LDLRAD2: variants seen among roughly 807,000 people sequenced by gnomAD.
The protein encoded by LDLRAD2 is low density lipoprotein receptor class A domain containing 2, also known as low-density lipoprotein receptor class A domain-containing protein 2.
In LDLRAD2, 25 loss-of-function variants were observed where a neutral mutation model predicts 24.9. That is an observed-to-expected ratio of 1.00 (90% CI 0.73 to 1.40). The LOEUF is 1.40. Among genes scored for constraint, LDLRAD2 ranks in the 40% most tolerant of loss-of-function variants. The pLI is 0.00. For missense variants in LDLRAD2, 391 were observed against 366.2 expected, an observed-to-expected ratio of 1.07 and a Z score of -0.55; for synonymous variants, 182 against 166.7, an observed-to-expected ratio of 1.09 and a Z score of -0.71.
Position 21,824,869 on chromosome 1 carries a change from A to C in LDLRAD2, c.*2654A>C, listed in dbSNP as rs1414840520. On this transcript the variant is annotated 3_prime_UTR_variant, in exon 5 of 5. Transcript: ENST00000344642. This position sits in a 1 kb window ranked among gnomAD's most constrained non-coding sequence, Gnocchi z 5.9. ...CCCTGACCCCCACCTCCACGCCAAC[A>C]TGCAGGACTAGGGGGCTCCGAGCCT... 5.1e-6 allele frequency: 6 copies of C among 1,187,794 alleles called. No homozygotes were observed. Among genetic ancestry groups the C allele is most frequent in the South Asian group, 1.3e-5 (1 of 76,498 alleles). 73.6% of individuals were successfully genotyped at this position (1,187,794 alleles called of 1,614,324 possible).
chr1:21,815,496 A>T (rs189115579), intron 2 of LDLRAD2, among the ~76,000 whole-genome samples: 1 of 152,314 alleles, frequency 6.6e-6, no homozygotes, highest in East Asian at 1.9e-4. Context: ...ATACTCGCCC[A>T]ACTGGGCGCC....
chr1:21,815,601 G>T (rs2097943055), intron 2 of LDLRAD2, among the ~76,000 whole-genome samples: 1 of 152,130 alleles, frequency 6.6e-6, no homozygotes, highest in Admixed American at 6.5e-5. Flanking sequence ...GACAGAGAGA[G>T]ACCTGCCTAA....
Position 21,824,238 on chromosome 1 carries a change from G to A in LDLRAD2, c.*2023G>A, listed in dbSNP as rs781342493. On this transcript the variant is annotated 3_prime_UTR_variant, in exon 5 of 5. Transcript: ENST00000344642. The surrounding 1 kb of genome is among the most constrained non-coding windows in gnomAD (Gnocchi z 5.9). Reference sequence around the variant, plus strand: ...ATCCAGGCCCAAGAAGTATGAGCTGGGGCAGGACCGGGGGGTGGGGTGCTG... The same window carrying A: ...ATCCAGGCCCAAGAAGTATGAGCTGAGGCAGGACCGGGGGGTGGGGTGCTG... 5 of 1,613,398 alleles carry A rather than the reference G, an allele frequency of 3.1e-6. No individual in the cohort carries two copies. Among genetic ancestry groups the A allele is most frequent in the Non-Finnish European group, 3.4e-6 (4 of 1,179,728 alleles).
Position 21,824,248 on chromosome 1 carries a change from G to C in LDLRAD2, c.*2033G>C, listed in dbSNP as rs535694981. 3.1e-6 allele frequency: 5 copies of C among 1,610,972 alleles called. No individual in the cohort carries two copies. Among genetic ancestry groups the C allele is most frequent in the Non-Finnish European group, 4.2e-6 (5 of 1,177,438 alleles). On this transcript the variant is annotated 3_prime_UTR_variant, in exon 5 of 5. Transcript: ENST00000344642. This position sits in a 1 kb window ranked among gnomAD's most constrained non-coding sequence, Gnocchi z 5.9. ...AAGAAGTATGAGCTGGGGCAGGACC[G>C]GGGGGTGGGGTGCTGGGACCAGGGA...
rs1181701512 is a variant in LDLRAD2, at chr1:21,814,634, G to A, written c.322G>A (p.Ala108Thr). The change falls in exon 2 of 5, where the codon GCC (alanine) becomes ACC (threonine). Residue 108 changes from alanine to threonine, a missense_variant. Physicochemically the swap from Ala to Thr is moderately conservative, Grantham distance 58 (BLOSUM62 0). Coordinates refer to ENST00000344642, the MANE Select transcript of LDLRAD2 (RefSeq NM_001013693.3). ...CTCCCCGGCCCCGGCCGACCCGTGCGCCCCCGGCTCCTACCTGCAGTTCTA... is the reference window on the plus strand; with the variant it reads ...CTCCCCGGCCCCGGCCGACCCGTGCACCCCCGGCTCCTACCTGCAGTTCTA... Reference protein sequence around the residue: ...TSSPAPADPCAPGSYLQFYEG... With the variant: ...TSSPAPADPCTPGSYLQFYEG... 6.8e-6 allele frequency: 11 copies of A among 1,607,308 alleles called. No individual in the cohort carries two copies. Among genetic ancestry groups the A allele is most frequent in the Non-Finnish European group, 9.3e-6 (11 of 1,177,268 alleles).
chr1:21,821,202 T>A (rs540895901), intron 3 of LDLRAD2, among the ~76,000 whole-genome samples: 1 of 152,094 alleles, frequency 6.6e-6, no homozygotes, highest in East Asian at 1.9e-4. Flanking sequence ...GCCTCAATGC[T>A]CAGTACATGT....
At position 21,823,467 on chromosome 1, in the gene LDLRAD2, G is replaced by A. The variant is rs772087950; in HGVS notation, c.*1252G>A. On this transcript the variant is annotated 3_prime_UTR_variant, in exon 5 of 5. Transcript: ENST00000344642. ...TGAGGAGAATCTGCCCCCGGTCAGC[G>A]TGGCCACGTCAGGGGCTCCGCCTGC... 6.9e-6 allele frequency: 11 copies of A among 1,598,594 alleles called. No individual in the cohort carries two copies. The highest frequency in any genetic ancestry group is 4.0e-5 in the African/African-American group (3 of 74,832).
At chr1:21,814,203 A>C (rs71636989) in intron 1 of LDLRAD2, among the ~76,000 whole-genome samples, 195 bp from the exon 2 acceptor site, 19,298 of 152,220 alleles carry the variant, frequency 0.13, 1,605 homozygotes, top group South Asian at 0.24. Context: ...GGGATTGTAG[A>C]TTTGAATTAA....
At chr1:21,822,097 G>C in intron 4 of LDLRAD2, 105 bp from the exon 5 acceptor site, 2 of 1,602,196 alleles carry the variant, frequency 1.2e-6, no homozygotes, top group Admixed American at 1.7e-5. Context: ...CTAGAAAATA[G>C]GACAATTCCT....
chr1:21,821,834 C>G, intron 4 of LDLRAD2: 1 of 1,428,848 alleles, frequency 7.0e-7, no homozygotes, highest in South Asian at 1.5e-5. Flanking sequence ...GGCCTGGCAA[C>G]CTGGTGCCCG....
rs1347300305 is a variant in LDLRAD2 at position 21,823,289 on chromosome 1, G to A, written c.*1074G>A. The A allele has an allele frequency of 4.7e-6, 7 of 1,490,968 alleles. No homozygotes were observed. The highest frequency in any genetic ancestry group is 2.3e-5 in the Admixed American group (1 of 43,438). 92.4% of individuals were successfully genotyped at this position (1,490,968 alleles called of 1,614,324 possible). ...ACATTGTCGGGCTGGGGCGTGGCCCGGGAGTCCGTGTGGGGCAGGCAGGTG... is the reference window on the plus strand; with the variant it reads ...ACATTGTCGGGCTGGGGCGTGGCCCAGGAGTCCGTGTGGGGCAGGCAGGTG... On this transcript the variant is annotated 3_prime_UTR_variant, in exon 5 of 5. Coordinates refer to ENST00000344642, the MANE Select transcript of LDLRAD2 (RefSeq NM_001013693.3).
intron 1 of LDLRAD2, among the ~76,000 whole-genome samples, chr1:21,814,037 AT>A (rs1295329247): frequency 6.6e-6 from 1 of 151,864 alleles, no homozygotes; most frequent in Non-Finnish European, 1.5e-5. Flanking sequence ...TGCCCGGCTA[AT>A]TTTTTGTATT....
Position 21,822,250 on chromosome 1 carries a change from G to C in LDLRAD2, c.*35G>C, listed in dbSNP as rs200353436. On this transcript the variant is annotated 3_prime_UTR_variant, in exon 5 of 5. Transcript: ENST00000344642. ...CAAAGACTCAGGAGGCCCCTGGCGG[G>C]GATAGCACCGTTTATTAAGAAAAAT... The C allele has an allele frequency of 6.3e-7, 1 of 1,599,520 alleles. No individual in the cohort carries two copies.
intron 4 of LDLRAD2, chr1:21,821,977 C>T: frequency 7.0e-7 from 1 of 1,425,424 alleles, no homozygotes; most frequent in Admixed American, 2.9e-5. Context: ...GGGCTTCGGG[C>T]ACATGGGAAT....
chr1:21,824,962 C>G lies in LDLRAD2; in HGVS notation c.*2747C>G. 3.1e-6 allele frequency: 2 copies of G among 644,384 alleles called. No homozygotes were observed. 39.9% of individuals were successfully genotyped at this position (644,384 alleles called of 1,614,324 possible). Reference sequence around the variant, plus strand: ...GAGCCTATGACCTTGGATGGGAAAGCATTACACCTCAATTTCACTCACTTC... The same window carrying G: ...GAGCCTATGACCTTGGATGGGAAAGGATTACACCTCAATTTCACTCACTTC... On this transcript the variant is annotated 3_prime_UTR_variant, in exon 5 of 5. Transcript: ENST00000344642. The surrounding 1 kb of genome is among the most constrained non-coding windows in gnomAD (Gnocchi z 5.9).
chr1:21,821,126 G>A (rs2097951091), intron 3 of LDLRAD2, among the ~76,000 whole-genome samples: 1 of 152,234 alleles, frequency 6.6e-6, no homozygotes, highest in South Asian at 2.1e-4. Context: ...GAGCCTGGGA[G>A]GCAGAAGTTG....
rs935427000 is a variant in LDLRAD2, at chr1:21,812,522, C to A, written c.71C>A (p.Thr24Asn). 3 of 1,613,954 alleles carry A rather than the reference C, an allele frequency of 1.9e-6. No homozygotes were observed. The highest frequency in any genetic ancestry group is 2.5e-6 in the Non-Finnish European group (3 of 1,179,940). Residue 24 changes from threonine to asparagine, a missense_variant, in exon 1 of 5, where the codon ACT (threonine) becomes AAT (asparagine). Coordinates refer to ENST00000344642, the MANE Select transcript of LDLRAD2 (RefSeq NM_001013693.3). ...LLLGAAALTA[T>N]ALETADLAEL... ...CTGGGGGCAGCCGCCCTGACTGCAA[C>A]TGCTTTGGAGACAGGTAAGTATCAG...
Position 21,824,520 on chromosome 1 carries a change from C to T in LDLRAD2, c.*2305C>T, listed in dbSNP as rs757794457. On this transcript the variant is annotated 3_prime_UTR_variant, in exon 5 of 5. Transcript: ENST00000344642. This position sits in a 1 kb window ranked among gnomAD's most constrained non-coding sequence, Gnocchi z 5.9. ...GCCCCAGGAGCCCCAAGAGCCCAGC[C>T]GGATACCCACACTCACCACACCCTG... 45 of 1,612,792 alleles carry T rather than the reference C, an allele frequency of 2.8e-5. No homozygotes were observed. The highest frequency in any genetic ancestry group is 1.3e-4 in the Admixed American group (8 of 60,028).
At position 21,824,026 on chromosome 1, in the gene LDLRAD2, G is replaced by A. The variant is rs1350176829; in HGVS notation, c.*1811G>A. 1 of 1,210,932 alleles carries A rather than the reference G, an allele frequency of 8.3e-7. No individual in the cohort carries two copies. Among genetic ancestry groups the A allele is most frequent in the East Asian group, 2.5e-5 (1 of 39,850 alleles). The allele number at this position is 1,210,932 out of a possible 1,614,324, so 75.0% of individuals were successfully genotyped here. On this transcript the variant is annotated 3_prime_UTR_variant, in exon 5 of 5. Coordinates refer to ENST00000344642, the MANE Select transcript of LDLRAD2 (RefSeq NM_001013693.3). This position sits in a 1 kb window ranked among gnomAD's most constrained non-coding sequence, Gnocchi z 5.9. Reference sequence around the variant, plus strand: ...CCTGGCTTCAAGTTCTGTCTCCACAGAGCTCAATACCTGCCTCTCTGCCCA... The same window carrying A: ...CCTGGCTTCAAGTTCTGTCTCCACAAAGCTCAATACCTGCCTCTCTGCCCA...
Sources: gnomAD v4.1 joint callset for allele counts (sites outside exome capture counted in the v4.1 genomes callset) on GRCh38, gnomAD v4.1.1 for gene constraint, Gnocchi (gnomAD v3.1) non-coding constraint, MANE v1.5 for transcripts, NCBI Gene and HGNC (gene_info 2026-07-23, HGNC 2026-07-21) for gene names.